The following PLAAT1 variants were observed in gnomAD, a reference collection of about 807,000 sequenced individuals.
The protein encoded by PLAAT1 is H-REV107 protein-related protein.
Under a neutral mutation model 16.4 loss-of-function variants are expected in PLAAT1, and 13 were observed. The observed-to-expected ratio is 0.79, with a 90% CI of 0.52 to 1.26. PLAAT1 has a LOEUF of 1.26. Among genes scored for constraint, PLAAT1 ranks in the 50% most tolerant of loss-of-function variants. The pLI is 0.00. For synonymous variants in PLAAT1, 73 were observed against 78.4 expected, an observed-to-expected ratio of 0.93 and a Z score of 0.36; for missense variants, 218 against 207.8, an observed-to-expected ratio of 1.05 and a Z score of -0.30.
intron 2 of PLAAT1, among the ~76,000 whole-genome samples, chr3:193,256,445 G>T (rs1041031752): frequency 6.6e-6 from 1 of 152,106 alleles, no homozygotes; most frequent in Non-Finnish European, 1.5e-5. Flanking sequence ...TAGTATCCCA[G>T]GTCAAGGGGA....
chr3:193,266,484 A>C lies in PLAAT1; in HGVS notation c.405+3249A>C, dbSNP rs577911443. 3.9e-5 allele frequency among the ~76,000 whole-genome samples: 6 copies of C among 152,294 alleles called. No homozygotes were observed. The South Asian group carries it at 1.0e-3, about 26-fold the overall frequency. ...ATTAATTTTTCTTCAACAAATAGTA[A>C]GAACCTGTCTCTGGCAGGTTCTGAT... is the stretch of plus-strand genomic sequence containing the variant. On this transcript the variant is annotated intron_variant, in intron 3 of 3. Transcript: ENST00000264735.
intron 2 of PLAAT1, among the ~76,000 whole-genome samples, chr3:193,258,721 C>A (rs1716471711): frequency 6.6e-6 from 1 of 151,752 alleles, no homozygotes; most frequent in African/African-American, 2.4e-5. Context: ...CTGAGAAGAC[C>A]AATAACAAGT....
rs190573648 is a variant in PLAAT1 at position 193,246,125 on chromosome 3, G to A, written c.-1+4592G>A. 5.3e-5 allele frequency among the ~76,000 whole-genome samples: 8 copies of A among 152,210 alleles called. No individual in the cohort carries two copies. The East Asian group carries it at 1.5e-3, about 29-fold the overall frequency. On this transcript the variant is annotated intron_variant, in intron 1 of 3. Coordinates refer to ENST00000264735, the MANE Select transcript of PLAAT1 (RefSeq NM_020386.5). ...AGCTGTGAGAGTGGGAATCACTGTT[G>A]TCTTTCTAATCTTACAGGAAAAACT... is the stretch of plus-strand genomic sequence containing the variant.
intron 2 of PLAAT1, among the ~76,000 whole-genome samples, chr3:193,260,875 T>C (rs905998920): frequency 1.3e-5 from 2 of 152,174 alleles, no homozygotes; most frequent in African/African-American, 4.8e-5. Flanking sequence ...TAAATTATTC[T>C]ACCAAGAAGA....
downstream of PLAAT1, among the ~76,000 whole-genome samples, chr3:193,278,610 C>T (rs1717333769): frequency 6.6e-6 from 1 of 152,184 alleles, no homozygotes; most frequent in South Asian, 2.1e-4. Flanking sequence ...CTACCTCCTA[C>T]CTGGCAAAAT....
intron 1 of PLAAT1, among the ~76,000 whole-genome samples, chr3:193,250,313 GGT>G (rs745960571): frequency 1.3e-5 from 2 of 152,146 alleles, no homozygotes; most frequent in African/African-American, 2.4e-5. Context: ...GAGAGACTGA[GGT>G]GTTAGTTGTG....
At chr3:193,253,148 C>T (rs1342105462) in intron 1 of PLAAT1, among the ~76,000 whole-genome samples, 1 of 152,176 alleles carries the variant, frequency 6.6e-6, no homozygotes, top group African/African-American at 2.4e-5. Context: ...TAGTCCCTTG[C>T]TATGATTCTA....
chr3:193,278,444 C>T (rs1030409763), downstream of PLAAT1, among the ~76,000 whole-genome samples: 1 of 152,160 alleles, frequency 6.6e-6, no homozygotes, highest in Non-Finnish European at 1.5e-5. Context: ...TGTTCATACT[C>T]CACAGCACAT....
chr3:193,242,153 G>C (rs117220160), intron 1 of PLAAT1, among the ~76,000 whole-genome samples: 1,572 of 149,564 alleles, frequency 0.011, 55 homozygotes, highest in East Asian at 0.072. Flanking sequence ...GCTATCATTA[G>C]AGTTAGTGTA....
At chr3:193,242,750 A>G (rs1715821635) in intron 1 of PLAAT1, among the ~76,000 whole-genome samples, 1 of 152,150 alleles carries the variant, frequency 6.6e-6, no homozygotes, top group Admixed American at 6.5e-5. Flanking sequence ...CTGAGAGTCT[A>G]TGAATTAGCC....
At chr3:193,259,003 A>G (rs754653415) in intron 2 of PLAAT1, among the ~76,000 whole-genome samples, 1 of 152,166 alleles carries the variant, frequency 6.6e-6, no homozygotes, top group African/African-American at 2.4e-5. Context: ...AAAATCCTCA[A>G]CAAAAGACCA....
chr3:193,254,195 C>T (rs369248242), intron 1 of PLAAT1, among the ~76,000 whole-genome samples: 17 of 152,272 alleles, frequency 1.1e-4, no homozygotes, highest in African/African-American at 3.1e-4. Flanking sequence ...CATTTGGCCA[C>T]GTTTCTGTGA....
At chr3:193,245,453 G>C (rs900714463) in intron 1 of PLAAT1, among the ~76,000 whole-genome samples, 19 of 152,134 alleles carry the variant, frequency 1.2e-4, no homozygotes, top group African/African-American at 4.6e-4. Context: ...TAGACACTTA[G>C]GTTGCTTCTG....
In PLAAT1 at chr3:193,252,031, G is replaced by A. The variant is rs140088974; in HGVS notation, c.1-3620G>A. 5.1e-3 allele frequency among the ~76,000 whole-genome samples: 771 copies of A among 152,292 alleles called. 7 individuals are homozygous for A. Among genetic ancestry groups the A allele is most frequent in the African/African-American group, 0.018 (733 of 41,554 alleles). On this transcript the variant is annotated intron_variant, in intron 1 of 3. Transcript: ENST00000264735. ...ACTATAAAGGAATATTTGAGACTGC[G>A]TAATGTATAAGGAAAAGAGATTTAA... is the stretch of plus-strand genomic sequence containing the variant.
Position 193,263,285 on chromosome 3 carries a change from G to T in PLAAT1, c.405+50G>T, listed in dbSNP as rs765243140. The T allele has an allele frequency of 2.3e-5, 36 of 1,559,200 alleles. 1 individual carries two copies. The highest frequency in any genetic ancestry group is 3.5e-5 in the Admixed American group (2 of 56,432). The stretch of plus-strand genomic sequence containing the variant: ...TTACATTGAGAAAAGAATAACTATT[G>T]GCTATGATAAGGTTCCCAGGCCTCA... On this transcript the variant is annotated intron_variant, in intron 3 of 3. Coordinates refer to ENST00000264735, the MANE Select transcript of PLAAT1 (RefSeq NM_020386.5).
chr3:193,242,789 C>T (rs1452269489), intron 1 of PLAAT1, among the ~76,000 whole-genome samples: 1 of 152,130 alleles, frequency 6.6e-6, no homozygotes, highest in Non-Finnish European at 1.5e-5. Flanking sequence ...TTCATGGAAA[C>T]ATCACAGTGT....
intron 3 of PLAAT1, among the ~76,000 whole-genome samples, chr3:193,264,980 A>G (rs1375143048): frequency 2.0e-5 from 3 of 152,218 alleles, no homozygotes; most frequent in Non-Finnish European, 2.9e-5. Flanking sequence ...CACACTCAAT[A>G]CGATTGCTAT....
Position 193,263,028 on chromosome 3 carries a change from GA to G in PLAAT1, c.202del (p.Met68CysfsTer4). On this transcript the variant is annotated frameshift_variant, in exon 3 of 4. Coordinates refer to ENST00000264735, the MANE Select transcript of PLAAT1 (RefSeq NM_020386.5). LOFTEE classifies it high-confidence loss of function. Reference sequence around the variant, plus strand: ...CTGTATTCAGCAGTAAGGCCCTGGTGAAAATGCAGCTCTTGAAGGATGTTGT... The same window carrying G: ...CTGTATTCAGCAGTAAGGCCCTGGTGAAATGCAGCTCTTGAAGGATGTTGT... ...KSVFSSKALV[K>X]MQLLKDVVGN... 1 of 1,614,178 alleles carries G rather than the reference GA, an allele frequency of 6.2e-7. No homozygotes were observed. The highest frequency in any genetic ancestry group is 8.5e-7 in the Non-Finnish European group (1 of 1,180,030).
At chr3:193,253,344 A>G (rs551131183) in intron 1 of PLAAT1, among the ~76,000 whole-genome samples, 4 of 152,182 alleles carry the variant, frequency 2.6e-5, no homozygotes, top group Non-Finnish European at 5.9e-5. Context: ...TGTTAAATAT[A>G]TTAGAATTTT....
Sources: allele counts gnomAD v4.1 joint callset (sites outside exome capture counted in the v4.1 genomes callset), GRCh38; gene constraint gnomAD v4.1.1; transcripts MANE v1.5; gene names NCBI Gene and HGNC (gene_info 2026-07-23, HGNC 2026-07-21).